Variants in MYNN observed in about 807,000 individuals in gnomAD.
MYNN encodes the protein myoneurin.
Under a neutral mutation model 57.2 loss-of-function variants are expected in MYNN, and 22 were observed. That is an observed-to-expected ratio of 0.38 (90% CI 0.27 to 0.55). MYNN has a LOEUF of 0.55. MYNN is among the 20% of genes least tolerant of loss of function. The pLI is 0.71. For missense variants in MYNN, 566 were observed against 723.1 expected, an observed-to-expected ratio of 0.78 and a Z score of 2.49; for synonymous variants, 241 against 257.1, an observed-to-expected ratio of 0.94 and a Z score of 0.60.
At chr3:169,784,318 G>A (rs1046458927) in intron 6 of MYNN, among the ~76,000 whole-genome samples, 13 of 151,882 alleles carry the variant, frequency 8.6e-5, no homozygotes, top group African/African-American at 3.1e-4. Context: ...GCATATAACT[G>A]ACACTCACTA....
intron 7 of MYNN, among the ~76,000 whole-genome samples, chr3:169,785,176 A>G (rs1778641257): frequency 1.3e-5 from 2 of 151,964 alleles, no homozygotes; most frequent in African/African-American, 4.8e-5. Flanking sequence ...TGGAAAGCCA[A>G]ACAACAAGTT....
chr3:169,779,686 A>G, intron 3 of MYNN, 125 bp downstream of exon 3: 1 of 991,618 alleles, frequency 1.0e-6, no homozygotes, highest in South Asian at 1.8e-5. Flanking sequence ...TCATCAAAGT[A>G]TTTAACAGTG....
At chr3:169,781,547 C>T (rs1778517196) in intron 4 of MYNN, among the ~76,000 whole-genome samples, 1 of 152,110 alleles carries the variant, frequency 6.6e-6, no homozygotes, top group South Asian at 2.1e-4. Flanking sequence ...CAAAAGACGG[C>T]CCTGAGGCAC....
At position 169,789,125 on chromosome 3, in the gene MYNN, G is replaced by T. The variant is rs544341383; in HGVS notation, c.*2447G>T. 6.6e-6 allele frequency: 1 copy of T among 152,094 alleles called. No homozygotes were observed. 9.4% of individuals were successfully genotyped at this position (152,094 alleles called of 1,614,324 possible). On this transcript the variant is annotated 3_prime_UTR_variant, in exon 8 of 8. Coordinates refer to ENST00000349841, the MANE Select transcript of MYNN (RefSeq NM_018657.5). ...CATGCCTACTGTATGTTAGATTTTA[G>T]ACTATTTTAAAAGAAACCGTAGATT...
At chr3:169,783,193 A>T (rs1404436170) in intron 5 of MYNN, among the ~76,000 whole-genome samples, 2 of 152,134 alleles carry the variant, frequency 1.3e-5, no homozygotes, top group African/African-American at 4.8e-5. Context: ...GGGTTTATGA[A>T]TTGACATGTT....
At chr3:169,785,060 A>T in intron 7 of MYNN, among the ~76,000 whole-genome samples, 1 of 115,014 alleles carries the variant, frequency 8.7e-6, no homozygotes, top group African/African-American at 3.4e-5. Flanking sequence ...TATGGTTATT[A>T]TGAAAAAAAA....
chr3:169,774,094 C>T (rs1159284299), intron 1 of MYNN, 171 bp from the exon 2 acceptor site: 1 of 580,398 alleles, frequency 1.7e-6, no homozygotes, highest in Non-Finnish European at 3.1e-6. Flanking sequence ...GTTAGTTGAT[C>T]AAGGTAACCA....
intron 2 of MYNN, among the ~76,000 whole-genome samples, chr3:169,776,695 T>A (rs891859422): frequency 2.8e-5 from 2 of 71,454 alleles, no homozygotes; most frequent in Non-Finnish European, 2.7e-5. Context: ...GTTGAACAAA[T>A]TTTTTTTTTT....
intron 2 of MYNN, among the ~76,000 whole-genome samples, chr3:169,776,593 C>T (rs554072545): frequency 2.0e-4 from 31 of 151,476 alleles, no homozygotes; most frequent in African/African-American, 7.0e-4. Context: ...TAAACAAAAG[C>T]AAATCTGTTA....
intron 2 of MYNN, among the ~76,000 whole-genome samples, chr3:169,775,659 C>T (rs993073476): frequency 4.6e-5 from 7 of 152,052 alleles, no homozygotes; most frequent in Non-Finnish European, 1.0e-4. Context: ...ACCCTCTCCT[C>T]CCCCTTTAAT....
rs1284997403 is a variant in MYNN at position 169,787,580 on chromosome 3, C to T, written c.*902C>T. On this transcript the variant is annotated 3_prime_UTR_variant, in exon 8 of 8. Transcript: ENST00000349841. ...TTTCTAGATATAAACTTAATGCATA[C>T]TAGAAATCACTTGGCTTCTAAATTT... The T allele has an allele frequency of 1.3e-5, 2 of 152,036 alleles. No individual in the cohort carries two copies. The highest frequency in any genetic ancestry group is 4.8e-5 in the African/African-American group (2 of 41,402). The allele number at this position is 152,036 out of a possible 1,614,324, so 9.4% of individuals were successfully genotyped here. A position where few individuals can be genotyped will look rare whatever the true frequency, so the allele number is the denominator to read the frequency against.
rs775006758 is a variant in MYNN, at chr3:169,779,301, G to A, written c.800G>A (p.Cys267Tyr). The A allele has an allele frequency of 9.9e-6, 16 of 1,614,028 alleles. No homozygotes were observed. Among genetic ancestry groups the A allele is most frequent in the Non-Finnish European group, 1.3e-5 (15 of 1,180,056 alleles). The change falls in exon 3 of 8, where the codon TGT becomes TAT. Residue 267 changes from cysteine to tyrosine, a missense_variant. Cys to Tyr is a radical substitution (Grantham distance 194). Coordinates refer to ENST00000349841, the MANE Select transcript of MYNN (RefSeq NM_018657.5). ...KRKRGKSQPN[C>Y]ALKEHSMSNI... is the part of the protein sequence containing the mutation. ...AAACGTGGAAAATCACAGCCAAACT[G>A]TGCTCTGAAAGAACACTCTATGTCT...
At position 169,786,651 on chromosome 3, in the gene MYNN, G is replaced by C. The variant is rs200617627; in HGVS notation, c.1806G>C (p.Gln602His). Reference sequence around the variant, plus strand: ...CTGTGAATGGGTATTCAGAACCACAGTTGATTTTTTTACAACAATTATACT... The same window carrying C: ...CTGTGAATGGGTATTCAGAACCACACTTGATTTTTTTACAACAATTATACT... The part of the protein sequence containing the change: ...RSTVNGYSEP[Q>H]LIFLQQLY Residue 602 changes from glutamine to histidine, a missense_variant, in exon 8 of 8, where the codon CAG becomes CAC. Physicochemically the swap from Gln to His is conservative, Grantham distance 24. Transcript: ENST00000349841. The C allele has an allele frequency of 1.7e-5, 28 of 1,612,884 alleles. No homozygotes were observed. Among genetic ancestry groups the C allele is most frequent in the East Asian group, 2.2e-5 (1 of 44,860 alleles).
rs369446786 is a variant in MYNN at position 169,783,548 on chromosome 3, C to G, written c.1471C>G (p.Arg491Gly). 3 of 1,608,124 alleles carry G rather than the reference C, an allele frequency of 1.9e-6. No individual in the cohort carries two copies. The African/African-American group carries it at 4.0e-5, about 22-fold the overall frequency. Reference sequence around the variant, plus strand: ...CTCAGGAGAGCTCAACAAACACTTTCGGTCCCATACAGGTCTGTGTTTAGG... The same window carrying G: ...CTCAGGAGAGCTCAACAAACACTTTGGGTCCCATACAGGTCTGTGTTTAGG... ...ISSGELNKHFRSHTGERPFIC... is the reference protein window; with the variant it reads ...ISSGELNKHFGSHTGERPFIC... The change falls in exon 6 of 8, where the codon CGG becomes GGG. Residue 491 changes from arginine to glycine, a missense_variant. Transcript: ENST00000349841.
In MYNN at chr3:169,787,685, T is replaced by C. The variant is rs1419697365; in HGVS notation, c.*1007T>C. 1 of 152,150 alleles carries C rather than the reference T, an allele frequency of 6.6e-6. No homozygotes were observed. Among genetic ancestry groups the C allele is most frequent in the Non-Finnish European group, 1.5e-5 (1 of 67,984 alleles). The allele number at this position is 152,150 out of a possible 1,614,324, so 9.4% of individuals were successfully genotyped here. ...TTTTGAGTTACCAGAAAGCCAACTATAGTTAAATATTTTATATCTGAGTTT... is the reference window on the plus strand; with the variant it reads ...TTTTGAGTTACCAGAAAGCCAACTACAGTTAAATATTTTATATCTGAGTTT... On this transcript the variant is annotated 3_prime_UTR_variant, in exon 8 of 8. Coordinates refer to ENST00000349841, the MANE Select transcript of MYNN (RefSeq NM_018657.5).
At chr3:169,775,041 T>C (rs947262096) in intron 2 of MYNN, among the ~76,000 whole-genome samples, 1 of 152,156 alleles carries the variant, frequency 6.6e-6, no homozygotes, top group African/African-American at 2.4e-5. Context: ...GGTTTCACCA[T>C]GCTGGCCAGG....
intron 3 of MYNN, chr3:169,779,940 C>T (rs1402973028): frequency 9.7e-6 from 2 of 207,032 alleles, no homozygotes; most frequent in African/African-American, 4.6e-5. Context: ...GACTTCTGAA[C>T]ATGTTCATTG....
At chr3:169,778,462 C>G (rs1778412035) in intron 2 of MYNN, 1 of 213,570 alleles carries the variant, frequency 4.7e-6, no homozygotes, top group South Asian at 1.0e-4. Flanking sequence ...GAGTTACCAT[C>G]AGCTATTTTT....
At chr3:169,776,411 G>A (rs1778342078) in intron 2 of MYNN, among the ~76,000 whole-genome samples, 1 of 152,124 alleles carries the variant, frequency 6.6e-6, no homozygotes. Flanking sequence ...TCTTGGACAG[G>A]TTACTTTATT....
Sources: allele counts gnomAD v4.1 joint callset (sites outside exome capture counted in the v4.1 genomes callset), GRCh38; gene constraint gnomAD v4.1.1; transcripts MANE v1.5; gene names NCBI Gene and HGNC (gene_info 2026-07-23, HGNC 2026-07-21).